Variants in PTPRD observed in about 807,000 individuals in gnomAD.
PTPRD encodes protein tyrosine phosphatase receptor type D.
PTPRD carries 34 observed loss-of-function variants against 214.5 expected under a neutral mutation model. The ratio of observed to expected loss-of-function variants is 0.16; its 90% CI spans 0.12 to 0.21. The LOEUF is 0.21. PTPRD is among the 10% of genes least tolerant of loss of function. The pLI, the probability that PTPRD is intolerant of heterozygous loss-of-function variation, is 1.00. For synonymous variants in PTPRD, 1,128 were observed against 845.7 expected, an observed-to-expected ratio of 1.33 and a Z score of -5.79; for missense variants, 2,545 against 2,398.7, an observed-to-expected ratio of 1.06 and a Z score of -1.27.
chr9:10,247,693 A>C (rs1195668310), intron 3 of PTPRD, among the ~76,000 whole-genome samples: 1 of 152,152 alleles, frequency 6.6e-6, no homozygotes, highest in Non-Finnish European at 1.5e-5. Context: ...ACTGTTTTTC[A>C]TGTTTATTTG....
chr9:9,326,933 C>G (rs1291888310), intron 9 of PTPRD, among the ~76,000 whole-genome samples: 1 of 152,166 alleles, frequency 6.6e-6, no homozygotes, highest in Admixed American at 6.6e-5. Flanking sequence ...CAAAGCCTGT[C>G]ACCAAGTAAC....
intron 8 of PTPRD, among the ~76,000 whole-genome samples, chr9:9,534,428 G>C (rs2076112843): frequency 6.6e-6 from 1 of 151,980 alleles, no homozygotes; most frequent in East Asian, 1.9e-4. Context: ...GTGCCTAAAA[G>C]CACAATTGGG....
intron 11 of PTPRD, among the ~76,000 whole-genome samples, chr9:8,946,364 G>C (rs143976370): frequency 6.6e-6 from 1 of 152,092 alleles, no homozygotes; most frequent in Non-Finnish European, 1.5e-5. Context: ...TATAGGTTTC[G>C]AGGGTTTTGT....
chr9:9,552,722 G>C (rs2080603789), intron 8 of PTPRD, among the ~76,000 whole-genome samples: 1 of 152,074 alleles, frequency 6.6e-6, no homozygotes, highest in Non-Finnish European at 1.5e-5. Flanking sequence ...GAAGACTTTA[G>C]AGATTTCTGC....
intron 10 of PTPRD, among the ~76,000 whole-genome samples, chr9:9,148,888 G>C (rs994307118): frequency 1.3e-5 from 2 of 152,120 alleles, no homozygotes; most frequent in African/African-American, 4.8e-5. Flanking sequence ...GGTTACAAAA[G>C]CTAGAACAAA....
chr9:10,394,783 T>C (rs2098135885), intron 2 of PTPRD, among the ~76,000 whole-genome samples: 1 of 34,248 alleles, frequency 2.9e-5, no homozygotes, highest in Non-Finnish European at 5.5e-5. Flanking sequence ...TTTTGTTAAA[T>C]AGAATAAACG....
chr9:9,792,717 G>A (rs1172441006), intron 5 of PTPRD, among the ~76,000 whole-genome samples: 2 of 152,098 alleles, frequency 1.3e-5, no homozygotes, highest in Non-Finnish European at 2.9e-5. Flanking sequence ...TTGAAAATCA[G>A]AATGCAAATG....
chr9:10,439,224 C>G (rs55740374), intron 2 of PTPRD, among the ~76,000 whole-genome samples: 2 of 151,574 alleles, frequency 1.3e-5, no homozygotes, highest in Non-Finnish European at 2.9e-5. Flanking sequence ...GTGTCACTCA[C>G]GCGTTTGAGA....
chr9:10,111,489 C>T (rs1489952838), intron 3 of PTPRD, among the ~76,000 whole-genome samples: 1 of 152,042 alleles, frequency 6.6e-6, no homozygotes, highest in Non-Finnish European at 1.5e-5. Context: ...CCGCCCGCCT[C>T]GGCCTCCCAA....
intron 9 of PTPRD, among the ~76,000 whole-genome samples, chr9:9,262,091 TG>T (rs1052083116): frequency 6.6e-6 from 1 of 151,634 alleles, no homozygotes; most frequent in African/African-American, 2.4e-5. Context: ...AGATATATAC[TG>T]GGGTGTCCCA....
At chr9:8,473,285 TGAG>T (rs1565095738) in intron 30 of PTPRD, among the ~76,000 whole-genome samples, 2 of 152,148 alleles carry the variant, frequency 1.3e-5, no homozygotes, top group African/African-American at 4.8e-5. Flanking sequence ...TCAAGGAGGA[TGAG>T]GAGAAGGCAG....
chr9:9,804,593 G>A (rs1445636844), intron 5 of PTPRD, among the ~76,000 whole-genome samples: 1 of 152,050 alleles, frequency 6.6e-6, no homozygotes, highest in African/African-American at 2.4e-5. Context: ...CACCTAGTAG[G>A]TGTTGAATAA....
At chr9:8,947,494 A>G (rs12338983) in intron 11 of PTPRD, among the ~76,000 whole-genome samples, 1,604 of 151,802 alleles carry the variant, frequency 0.011, 32 homozygotes, top group African/African-American at 0.037. Flanking sequence ...AAAGAAAAAA[A>G]AAAGTTACTA....
intron 9 of PTPRD, among the ~76,000 whole-genome samples, chr9:9,393,975 T>C (rs9332452): frequency 0.57 from 86,783 of 151,942 alleles, 25,317 homozygotes; most frequent in Admixed American, 0.65. Flanking sequence ...AGTGCTTTCA[T>C]GATGCCCTTA....
intron 2 of PTPRD, among the ~76,000 whole-genome samples, chr9:10,373,367 A>G (rs1486154685): frequency 6.6e-6 from 1 of 152,034 alleles, no homozygotes; most frequent in East Asian, 1.9e-4. Context: ...TGTTCTCTAT[A>G]CTTGGACAGT....
intron 3 of PTPRD, among the ~76,000 whole-genome samples, chr9:10,260,136 AC>A (rs2093599063): frequency 1.3e-5 from 2 of 152,234 alleles, no homozygotes; most frequent in South Asian, 2.1e-4. Flanking sequence ...TCAACATTTA[AC>A]CATGTTCCCT....
chr9:8,379,375 G>A (rs2084253346), intron 37 of PTPRD, among the ~76,000 whole-genome samples: 1 of 151,884 alleles, frequency 6.6e-6, no homozygotes, highest in African/African-American at 2.4e-5. Flanking sequence ...TCTCTGAGTA[G>A]CCTGCACACC....
At chr9:10,146,348 G>C (rs762786629) in intron 3 of PTPRD, among the ~76,000 whole-genome samples, 2 of 151,898 alleles carry the variant, frequency 1.3e-5, no homozygotes, top group Non-Finnish European at 2.9e-5. Flanking sequence ...AGGATACATG[G>C]TTAATAAGAC....
At chr9:10,445,564 C>G (rs1320974196) in intron 2 of PTPRD, among the ~76,000 whole-genome samples, 4 of 151,992 alleles carry the variant, frequency 2.6e-5, no homozygotes, top group African/African-American at 9.7e-5. Context: ...TAACCAGTTA[C>G]AAATTGGGTA....
Sources: allele counts gnomAD v4.1 joint callset (sites outside exome capture counted in the v4.1 genomes callset), GRCh38; gene constraint gnomAD v4.1.1; transcripts MANE v1.5; gene names NCBI Gene and HGNC (gene_info 2026-07-23, HGNC 2026-07-21).